The following SERHL2 variants were observed in gnomAD, a reference collection of about 807,000 sequenced individuals.
SERHL2 encodes serine hydrolase-like protein 2.
In SERHL2, 29 loss-of-function variants were observed where a neutral mutation model predicts 25.5. The observed-to-expected ratio is 1.14, with a 90% CI of 0.85 to 1.55. The LOEUF (loss-of-function observed/expected upper bound fraction) is 1.55. SERHL2 is among the 40% of genes most tolerant of loss of function. The pLI is 0.00. For missense variants in SERHL2, 240 were observed against 252.3 expected (o/e 0.95, Z 0.33); for synonymous variants, 95 against 103.5 (o/e 0.92, Z 0.50).
chr22:42,572,492 C>T lies in SERHL2; in HGVS notation c.788C>T (p.Ser263Leu), dbSNP rs372761927. ...AATTACTCTGAGAAGGAGTCCCTGT[C>T]GTTCATGATAGACACGATGAAATCC... is the stretch of plus-strand genomic sequence containing the variant. The part of the protein sequence containing the change: ...RQNYSEKESL[S>L]FMIDTMKSTL... The change falls in exon 11 of 12, where the codon TCG (serine) becomes TTG (leucine). Residue 263 changes from serine (S) to leucine (L), a missense_variant. By Grantham distance (145) the Ser-to-Leu change is moderately radical. Around this residue, in one of 4 missense-constraint regions of SERHL2, gnomAD observed 212 missense variants for 168.9 expected, o/e 1.25. Transcript: ENST00000327678. 1.4e-5 allele frequency: 23 copies of T among 1,611,696 alleles called. No individual in the cohort carries two copies. In the South Asian group the frequency reaches 1.5e-4, roughly 11 times the overall value.
intron 9 of SERHL2, chr22:42,569,575 T>C (rs1332333304): frequency 6.6e-6 from 1 of 151,914 alleles, no homozygotes; most frequent in East Asian, 1.9e-4. Flanking sequence ...TTCATATTTT[T>C]AGTAGAGACA....
At chr22:42,573,908 C>T (rs373560108) in intron 11 of SERHL2, 28 bp from the exon 12 acceptor site, 62 of 1,595,434 alleles carry the variant, frequency 3.9e-5, no homozygotes, top group Non-Finnish European at 5.1e-5. Flanking sequence ...CTGGCCACAC[C>T]TCACCACCCA....
rs899534366 is a variant in SERHL2 at position 42,571,379 on chromosome 22, C to G, written c.731+176C>G. The G allele has an allele frequency of 7.7e-6, 11 of 1,434,066 alleles. No homozygotes were observed. The African/African-American group carries it at 1.5e-4, about 19-fold the overall frequency. 88.8% of individuals were successfully genotyped at this position (1,434,066 alleles called of 1,614,324 possible). ...AGCAGGGTCATGGAAGGAGGAAGGT[C>G]AGAGGAGGGGAGGGCTCGGGCAGCA... On this transcript the variant is annotated intron_variant, in intron 10 of 11. Coordinates refer to ENST00000327678, the MANE Select transcript of SERHL2 (RefSeq NM_014509.5).
chr22:42,574,229 C>T lies in SERHL2; in HGVS notation c.*174C>T. On this transcript the variant is annotated 3_prime_UTR_variant, in exon 12 of 12. Coordinates refer to ENST00000327678, the MANE Select transcript of SERHL2 (RefSeq NM_014509.5). ...GAGATTCCAACTTCAACATCTGTGACCTCAAGGGGGAGACAGAGTCTGGGT... is the reference window on the plus strand; with the variant it reads ...GAGATTCCAACTTCAACATCTGTGATCTCAAGGGGGAGACAGAGTCTGGGT... 1 of 621,926 alleles carries T rather than the reference C, an allele frequency of 1.6e-6. No individual in the cohort carries two copies. The allele number at this position is 621,926 out of a possible 1,614,324, so 38.5% of individuals were successfully genotyped here.
At chr22:42,572,632 C>G in intron 11 of SERHL2, 103 bp downstream of exon 11, 3 of 1,489,868 alleles carry the variant, frequency 2.0e-6, no homozygotes, top group Non-Finnish European at 2.7e-6. Context: ...GGTCTGCCCC[C>G]AGGCCCAACA....
chr22:42,562,450 C>T (rs1362612968), intron 8 of SERHL2, among the ~76,000 whole-genome samples: 3 of 151,824 alleles, frequency 2.0e-5, no homozygotes, highest in African/African-American at 7.2e-5. Context: ...GTTCCCACCT[C>T]TCTGGCTGCT....
At position 42,560,231 on chromosome 22, in the gene SERHL2, T is replaced by C; in HGVS notation, c.579T>C (p.Leu193=). The C allele has an allele frequency of 6.2e-7, 1 of 1,612,992 alleles. No individual in the cohort carries two copies. Among genetic ancestry groups the C allele is most frequent in the Non-Finnish European group, 8.5e-7 (1 of 1,179,282 alleles). ...ACTTGAGTGAGGAGTGCGGGGAGCT[T>C]CTCCTGCAAAGAGGAACCACGAAGG... is the stretch of plus-strand genomic sequence containing the variant. The part of the protein sequence containing the change: ...NSHLSEECGE[L]LLQRGTTKVA... The change falls in exon 8 of 12, where the codon CTT becomes CTC. Residue 193 remains leucine (L), a synonymous_variant. Coordinates refer to ENST00000327678, the MANE Select transcript of SERHL2 (RefSeq NM_014509.5).
chr22:42,554,157 G>A lies in SERHL2; in HGVS notation c.22+115G>A, dbSNP rs965355349. On this transcript the variant is annotated intron_variant, in intron 1 of 11. Coordinates refer to ENST00000327678, the MANE Select transcript of SERHL2 (RefSeq NM_014509.5). ...CGACCGCGTCGCCCTCCTGGGTGTC[G>A]CAGCTCCTTCCTCGGCAGTCCCGGG... The A allele has an allele frequency of 2.9e-5, 37 of 1,286,756 alleles. No homozygotes were observed. The African/African-American group carries it at 4.1e-4, about 14-fold the overall frequency. 79.7% of individuals were successfully genotyped at this position (1,286,756 alleles called of 1,614,324 possible). A position where few individuals can be genotyped will look rare whatever the true frequency, so the allele number is the denominator to read the frequency against.
At chr22:42,554,165 T>G in intron 1 of SERHL2, 123 bp downstream of exon 1, 4 of 1,213,804 alleles carry the variant, frequency 3.3e-6, no homozygotes, top group Non-Finnish European at 4.7e-6. Context: ...TCGCAGCTCC[T>G]TCCTCGGCAG....
intron 9 of SERHL2, chr22:42,569,491 C>A (rs1019856065): frequency 6.6e-6 from 1 of 151,822 alleles, no homozygotes; most frequent in Non-Finnish European, 1.5e-5. Flanking sequence ...AACTTCTGAC[C>A]TCAGGCGATC....
chr22:42,554,604 C>T (rs1922004596), intron 1 of SERHL2, among the ~76,000 whole-genome samples: 3 of 152,148 alleles, frequency 2.0e-5, no homozygotes, highest in Non-Finnish European at 1.5e-5. Context: ...TTAGTAACTT[C>T]TCCAAGGTTA....
intron 10 of SERHL2, chr22:42,572,050 A>G (rs148859248): frequency 0.01 from 1,585 of 156,746 alleles, 26 homozygotes; most frequent in African/African-American, 0.037. Flanking sequence ...CTCACAACTC[A>G]ATGTATTAAA....
chr22:42,566,717 C>T lies in SERHL2; in HGVS notation c.648+379C>T, dbSNP rs556839102. ...ACTGGCTGCTGCACAGGGAAAAGCTCGAAGTCAGCTCGGTGCATCTGTTGA... is the reference window on the plus strand; with the variant it reads ...ACTGGCTGCTGCACAGGGAAAAGCTTGAAGTCAGCTCGGTGCATCTGTTGA... On this transcript the variant is annotated intron_variant, in intron 9 of 11. Coordinates refer to ENST00000327678, the MANE Select transcript of SERHL2 (RefSeq NM_014509.5). Among the ~76,000 whole-genome samples, 4 of 152,034 alleles carry T rather than the reference C, an allele frequency of 2.6e-5. No individual in the cohort carries two copies. In the East Asian group the frequency reaches 5.8e-4, roughly 22 times the overall value.
chr22:42,571,042 C>T (rs1924103249), intron 9 of SERHL2, 79 bp from the exon 10 acceptor site: 2 of 1,603,444 alleles, frequency 1.2e-6, no homozygotes, highest in South Asian at 1.1e-5. Context: ...GACTTAGCCA[C>T]CCCAACAGAG....
chr22:42,570,402 G>C (rs916901104), intron 9 of SERHL2, among the ~76,000 whole-genome samples: 9 of 152,008 alleles, frequency 5.9e-5, no homozygotes, highest in South Asian at 4.1e-4. Flanking sequence ...CGGGCACCAA[G>C]AGCAAAACTC....
chr22:42,572,687 G>A (rs112439592), intron 11 of SERHL2, 158 bp downstream of exon 11: 1 of 984,640 alleles, frequency 1.0e-6, no homozygotes, highest in African/African-American at 1.7e-5. Flanking sequence ...ACTGTGGTCA[G>A]TCCCTAGAGG....
chr22:42,561,500 T>G (rs1922675836), intron 8 of SERHL2, among the ~76,000 whole-genome samples: 8 of 148,472 alleles, frequency 5.4e-5, no homozygotes, highest in South Asian at 2.2e-4. Flanking sequence ...GGTGGGGGCG[T>G]GTTGTGGAGT....
At chr22:42,569,859 G>C (rs959898238) in intron 9 of SERHL2, 2 of 147,918 alleles carry the variant, frequency 1.4e-5, no homozygotes, top group Non-Finnish European at 2.9e-5. Context: ...GTGTGTGTGT[G>C]TGTGTGTGTG....
chr22:42,559,215 C>A (rs1256274116), intron 7 of SERHL2, among the ~76,000 whole-genome samples: 1 of 68,244 alleles, frequency 1.5e-5, no homozygotes, highest in Non-Finnish European at 2.3e-5. Flanking sequence ...AGCGAGATAG[C>A]GAGACCCTGT....
Sources: gnomAD v4.1 joint callset for allele counts (sites outside exome capture counted in the v4.1 genomes callset) on GRCh38, gnomAD v4.1.1 for gene constraint, gnomAD v4.1.1 regional missense constraint, MANE v1.5 for transcripts, NCBI Gene and HGNC (gene_info 2026-07-23, HGNC 2026-07-21) for gene names.